Variants in DLG2 observed in about 807,000 individuals in gnomAD.
DLG2 encodes the protein disks large homolog 2.
A neutral mutation model predicts 132.5 loss-of-function variants in DLG2; 45 were observed. The observed-to-expected ratio is 0.34, with a 90% CI of 0.27 to 0.44. DLG2 has a LOEUF of 0.44. Among genes scored for constraint, DLG2 ranks in the 20% least tolerant of loss-of-function variants. DLG2 has a pLI of 1.00. For synonymous variants in DLG2, 424 were observed against 419.6 expected, an observed-to-expected ratio of 1.01 and a Z score of -0.13; for missense variants, 1,045 against 1,196.9, an observed-to-expected ratio of 0.87 and a Z score of 1.87.
chr11:84,385,211 C>A (rs1231217946), intron 7 of DLG2, among the ~76,000 whole-genome samples: 3 of 151,846 alleles, frequency 2.0e-5, no homozygotes, highest in African/African-American at 7.3e-5. Context: ...TCATCTAAAG[C>A]AGTAAAATTT....
At chr11:84,828,789 T>C (rs1473801807) in intron 6 of DLG2, among the ~76,000 whole-genome samples, 4 of 151,840 alleles carry the variant, frequency 2.6e-5, no homozygotes, top group Admixed American at 2.0e-4. Context: ...CTCTACTGAA[T>C]GCTGTAAAAA....
intron 6 of DLG2, among the ~76,000 whole-genome samples, chr11:84,948,305 C>A (rs1043329388): frequency 2.6e-5 from 4 of 152,156 alleles, no homozygotes; most frequent in Non-Finnish European, 4.4e-5. Context: ...CAGACTATAA[C>A]CTTCTCTCTA....
intron 15 of DLG2, among the ~76,000 whole-genome samples, chr11:83,887,157 G>A (rs1253769742): frequency 3.3e-5 from 5 of 152,118 alleles, no homozygotes; most frequent in Admixed American, 3.3e-4. Flanking sequence ...AATGAATCCA[G>A]GAGTTGGTTT....
chr11:84,250,108 T>C (rs1289034517), intron 8 of DLG2, among the ~76,000 whole-genome samples: 1 of 152,194 alleles, frequency 6.6e-6, no homozygotes, highest in Non-Finnish European at 1.5e-5. Context: ...ACACACTTTG[T>C]TTGGCAGACA....
Position 84,998,805 on chromosome 11 carries a change from TG to T in DLG2, c.357+112855del, listed in dbSNP as rs138897498. Among the ~76,000 whole-genome samples, 94 of 152,226 alleles carry T rather than the reference TG, an allele frequency of 6.2e-4. 1 individual carries two copies. Among genetic ancestry groups the T allele is most frequent in the African/African-American group, 2.2e-3 (93 of 41,552 alleles). ...AACTGCCCACCATGTATGGAACTTT[TG>T]GCCTCAAGTATCATGCCTATGAGGC... On this transcript the variant is annotated intron_variant, in intron 6 of 27. Coordinates refer to ENST00000376104, the MANE Select transcript of DLG2 (RefSeq NM_001142699.3).
At chr11:83,504,744 C>T (rs1346828175) in intron 21 of DLG2, among the ~76,000 whole-genome samples, 4 of 152,126 alleles carry the variant, frequency 2.6e-5, no homozygotes, top group Non-Finnish European at 5.9e-5. Flanking sequence ...CTTCCACTTC[C>T]ACCCGTTGAT....
At chr11:85,185,207 T>C (rs184847196) in intron 4 of DLG2, among the ~76,000 whole-genome samples, 4 of 152,108 alleles carry the variant, frequency 2.6e-5, no homozygotes, top group Admixed American at 2.0e-4. Context: ...AATTTCAAAA[T>C]AGCATCCTCA....
At chr11:83,495,071 C>T (rs980615330) in intron 21 of DLG2, among the ~76,000 whole-genome samples, 8 of 152,114 alleles carry the variant, frequency 5.3e-5, no homozygotes, top group Non-Finnish European at 8.8e-5. Context: ...CAGTGAGTGA[C>T]TCTAGCACTC....
intron 6 of DLG2, among the ~76,000 whole-genome samples, chr11:85,110,374 T>C (rs535581915): frequency 6.6e-6 from 1 of 152,026 alleles, no homozygotes; most frequent in Non-Finnish European, 1.5e-5. Flanking sequence ...GCCAAGATCA[T>C]GCCACTACAC....
intron 6 of DLG2, among the ~76,000 whole-genome samples, chr11:84,576,310 A>G (rs2099499881): frequency 6.6e-6 from 1 of 152,196 alleles, no homozygotes; most frequent in South Asian, 2.1e-4. Flanking sequence ...ACCTATCTGT[A>G]TCTATTTATC....
intron 8 of DLG2, among the ~76,000 whole-genome samples, chr11:84,189,692 G>A (rs867368706): frequency 2.0e-5 from 3 of 152,148 alleles, no homozygotes; most frequent in African/African-American, 4.8e-5. Flanking sequence ...GAAGTTGGAA[G>A]TCATTATTCT....
chr11:84,925,444 A>G (rs1446739438), intron 6 of DLG2, among the ~76,000 whole-genome samples: 1 of 152,160 alleles, frequency 6.6e-6, no homozygotes, highest in Non-Finnish European at 1.5e-5. Flanking sequence ...TCTAGCCTAC[A>G]AAATCCCAGT....
At chr11:84,769,102 C>T (rs892691355) in intron 6 of DLG2, among the ~76,000 whole-genome samples, 8 of 152,014 alleles carry the variant, frequency 5.3e-5, no homozygotes, top group Non-Finnish European at 1.0e-4. Flanking sequence ...GTGACACCAC[C>T]AAACGCTCCT....
At chr11:84,697,481 A>AT (rs910059321) in intron 6 of DLG2, among the ~76,000 whole-genome samples, 16 of 151,452 alleles carry the variant, frequency 1.1e-4, no homozygotes, top group South Asian at 8.3e-4. Context: ...TCAAAAACTA[A>AT]TTTTTTTTAG....
chr11:85,609,902 A>G (rs1309649550), intron 2 of DLG2, among the ~76,000 whole-genome samples: 1 of 152,162 alleles, frequency 6.6e-6, no homozygotes, highest in Admixed American at 6.5e-5. Context: ...CTCAGTTGTA[A>G]TTGGGAGACT....
intron 6 of DLG2, among the ~76,000 whole-genome samples, chr11:84,954,922 G>A (rs561697131): frequency 1.7e-4 from 26 of 152,182 alleles, no homozygotes; most frequent in African/African-American, 6.3e-4. Flanking sequence ...ACGAGGGTTG[G>A]CAACCATTTT....
At chr11:85,478,467 C>T (rs1438957001) in intron 3 of DLG2, among the ~76,000 whole-genome samples, 1 of 152,134 alleles carries the variant, frequency 6.6e-6, no homozygotes, top group Non-Finnish European at 1.5e-5. Context: ...AATTTCTGAA[C>T]CTACTATGTT....
chr11:84,763,178 C>T (rs2067891515), intron 6 of DLG2: 2 of 152,176 alleles, frequency 1.3e-5, no homozygotes, highest in African/African-American at 2.4e-5. Context: ...AACATAGGAG[C>T]TCGACAGCAT....
At chr11:83,696,182 G>A (rs976325781) in intron 18 of DLG2, among the ~76,000 whole-genome samples, 2 of 152,146 alleles carry the variant, frequency 1.3e-5, no homozygotes, top group African/African-American at 4.8e-5. Context: ...CCAGGTAGGA[G>A]GGATAGGGCC....
Sources: allele counts gnomAD v4.1 joint callset (sites outside exome capture counted in the v4.1 genomes callset), GRCh38; gene constraint gnomAD v4.1.1; transcripts MANE v1.5; gene names NCBI Gene and HGNC (gene_info 2026-07-23, HGNC 2026-07-21).